The following DNAH17 variants were observed in gnomAD, a reference collection of about 807,000 sequenced individuals.
DNAH17 encodes axonemal beta dynein heavy chain 17.
In DNAH17, 376 loss-of-function variants were observed where a neutral mutation model predicts 485.6. That is an observed-to-expected ratio of 0.77 (90% CI 0.71 to 0.84). The LOEUF is 0.84. Ranked by LOEUF, DNAH17 falls within the 40% of genes least tolerant of loss-of-function variation. The probability of loss-of-function intolerance (pLI) is 0.00; values close to 1 mark genes in which losing one functional copy is unlikely to be tolerated. For synonymous variants in DNAH17, 3,031 were observed against 2,405.9 expected (o/e 1.26, Z -7.60); for missense variants, 6,370 against 5,839.3 (o/e 1.09, Z -2.96).
intron 56 of DNAH17, among the ~76,000 whole-genome samples, chr17:78,464,860 C>T (rs1244483967): frequency 3.3e-5 from 5 of 152,238 alleles, no homozygotes; most frequent in Non-Finnish European, 7.3e-5. Context: ...AACAGCCCAC[C>T]TTGGTTTACA....
At chr17:78,468,169 AT>A (rs1394700154) in intron 55 of DNAH17, among the ~76,000 whole-genome samples, 1 of 150,128 alleles carries the variant, frequency 6.7e-6, no homozygotes, top group African/African-American at 2.4e-5. Context: ...TTAAAAAAAA[AT>A]AATAAAAAAT....
At chr17:78,468,479 C>T (rs2088591106) in intron 55 of DNAH17, 138 bp downstream of exon 55, 1 of 1,176,634 alleles carries the variant, frequency 8.5e-7, no homozygotes, top group African/African-American at 1.5e-5. Flanking sequence ...ACAGCCCCAC[C>T]CCTCACACTC....
intron 69 of DNAH17, among the ~76,000 whole-genome samples, chr17:78,447,196 G>A (rs912817486): frequency 2.6e-5 from 4 of 152,162 alleles, no homozygotes; most frequent in Non-Finnish European, 5.9e-5. Flanking sequence ...CAAAGTGTTG[G>A]GATACTAGGC....
chr17:78,547,161 G>A (rs138939481), intron 16 of DNAH17, among the ~76,000 whole-genome samples: 197 of 152,144 alleles, frequency 1.3e-3, no homozygotes, highest in Admixed American at 3.3e-3. Flanking sequence ...CAAGCTCATT[G>A]CTAGTCTTTT....
intron 24 of DNAH17, 49 bp from the exon 25 acceptor site, chr17:78,525,210 G>A (rs751630720): frequency 2.6e-5 from 42 of 1,585,942 alleles, no homozygotes; most frequent in Admixed American, 1.2e-4. Flanking sequence ...CCTCAGCGGT[G>A]CCCCACCCCA....
intron 42 of DNAH17, among the ~76,000 whole-genome samples, chr17:78,492,155 A>ACTC (rs903157508): frequency 2.9e-4 from 44 of 151,566 alleles, no homozygotes; most frequent in African/African-American, 1.1e-3. Context: ...GCTCCCGCTG[A>ACTC]CTCCTCCTCA....
chr17:78,574,515 A>T (rs2092405566), intron 2 of DNAH17, among the ~76,000 whole-genome samples, 198 bp downstream of exon 2: 1 of 151,984 alleles, frequency 6.6e-6, no homozygotes, highest in South Asian at 2.1e-4. Flanking sequence ...AAAAAAAAAA[A>T]AATTTAAAAA....
chr17:78,522,367 C>T (rs1377664761), intron 25 of DNAH17: 3 of 280,186 alleles, frequency 1.1e-5, no homozygotes, highest in Non-Finnish European at 2.2e-5. Flanking sequence ...AATTAAAATG[C>T]TAGAGGAAGA....
chr17:78,450,656 G>A, intron 67 of DNAH17, 26 bp downstream of exon 67: 7 of 1,600,842 alleles, frequency 4.4e-6, no homozygotes, highest in Non-Finnish European at 6.0e-6. Flanking sequence ...CTGGCTGCCA[G>A]GGCACGTCAC....
chr17:78,492,152 C>T (rs2089888186), intron 42 of DNAH17, among the ~76,000 whole-genome samples: 1 of 152,116 alleles, frequency 6.6e-6, no homozygotes, highest in Admixed American at 6.5e-5. Flanking sequence ...CCTGCTCCCG[C>T]TGACTCCTCC....
intron 32 of DNAH17, 94 bp from the exon 33 acceptor site, chr17:78,502,792 G>A: frequency 6.3e-7 from 1 of 1,586,628 alleles, no homozygotes; most frequent in Non-Finnish European, 8.6e-7. Flanking sequence ...TGGTTTTCCA[G>A]GGGACCACAG....
At chr17:78,432,901 T>TGGGGGGGGGGGGGGGGG in intron 75 of DNAH17, among the ~76,000 whole-genome samples, 1 of 58,648 alleles carries the variant, frequency 1.7e-5, no homozygotes, top group African/African-American at 6.8e-5. Flanking sequence ...GCTTCAAACG[T>TGGGGGGGGGGGGGGGGG]GCCCCCCCCC....
intron 14 of DNAH17, among the ~76,000 whole-genome samples, chr17:78,556,053 C>T (rs2092014567): frequency 6.6e-6 from 1 of 152,198 alleles, no homozygotes; most frequent in Non-Finnish European, 1.5e-5. Context: ...GGCAATTCCT[C>T]ACAATAAATC....
At position 78,453,435 on chromosome 17, in the gene DNAH17, C is replaced by T. The variant is rs773220705; in HGVS notation, c.10437G>A (p.Ser3479=). ...TCTCAATGAGCAAGGTGTCCCCTTC[C>T]GAGATGGCCTGCTCGATGACATCCA... is the stretch of plus-strand genomic sequence containing the variant. The part of the protein sequence containing the change: ...SYLDVIEQAI[S]EGDTLLIENI... Residue 3479 remains serine (S), a synonymous_variant, in exon 65 of 81, where the codon TCG becomes TCA. Coordinates refer to ENST00000389840, the MANE Select transcript of DNAH17 (RefSeq NM_173628.4). The T allele has an allele frequency of 2.9e-5, 47 of 1,613,838 alleles. No homozygotes were observed. The highest frequency in any genetic ancestry group is 1.0e-4 in the Admixed American group (6 of 60,002).
chr17:78,454,003 C>T (rs1032996937), intron 64 of DNAH17, among the ~76,000 whole-genome samples: 8 of 152,138 alleles, frequency 5.3e-5, no homozygotes, highest in East Asian at 1.9e-4. Context: ...CCACCACACC[C>T]GGGCTGGAAG....
Position 78,426,954 on chromosome 17 carries a change from G to A in DNAH17, c.12743C>T (p.Ser4248Leu), listed in dbSNP as rs138740986. 4.7e-5 allele frequency: 75 copies of A among 1,609,006 alleles called. No individual in the cohort carries two copies. The highest frequency in any genetic ancestry group is 5.9e-5 in the Non-Finnish European group (69 of 1,177,772). The change falls in exon 78 of 81, where the codon TCG becomes TTG. Residue 4248 changes from serine to leucine, a missense_variant. Ser to Leu is a moderately radical substitution (Grantham distance 145). Coordinates refer to ENST00000389840, the MANE Select transcript of DNAH17 (RefSeq NM_173628.4). ...MNILTNEMRR[S>L]LKELNLGLKG... ...CAGCCCCAGGTTCAGCTCCTTGAGCGAACGGCGCATTTCGTTGGTCAGGAT... is the reference window on the plus strand; with the variant it reads ...CAGCCCCAGGTTCAGCTCCTTGAGCAAACGGCGCATTTCGTTGGTCAGGAT...
chr17:78,442,799 C>T (rs1168550761), intron 71 of DNAH17, among the ~76,000 whole-genome samples: 3 of 152,174 alleles, frequency 2.0e-5, no homozygotes, highest in African/African-American at 4.8e-5. Context: ...GTTTGTGTTG[C>T]GCACGTGGGG....
At chr17:78,553,163 A>G (rs1404167990) in intron 14 of DNAH17, among the ~76,000 whole-genome samples, 2 of 151,696 alleles carry the variant, frequency 1.3e-5, no homozygotes. Context: ...TTCCACCATG[A>G]TTCCAAGTTT....
intron 3 of DNAH17, 124 bp from the exon 4 acceptor site, chr17:78,571,906 T>C: frequency 1.1e-6 from 1 of 912,098 alleles, no homozygotes; most frequent in Non-Finnish European, 1.6e-6. Context: ...TCTGGTCTCA[T>C]GTCCCTGGTG....
Sources: gnomAD v4.1 joint callset for allele counts (sites outside exome capture counted in the v4.1 genomes callset) on GRCh38, gnomAD v4.1.1 for gene constraint, MANE v1.5 for transcripts, NCBI Gene and HGNC (gene_info 2026-07-23, HGNC 2026-07-21) for gene names.